Variants in CORO2B observed in about 807,000 individuals in gnomAD.
CORO2B encodes the protein coronin-2B.
Under a neutral mutation model 58.8 loss-of-function variants are expected in CORO2B, and 26 were observed. That is an observed-to-expected ratio of 0.44 (90% confidence interval 0.32 to 0.61). The LOEUF (loss-of-function observed/expected upper bound fraction) is 0.61, where lower values mean the gene tolerates loss of function less well. Ranked by LOEUF, CORO2B falls within the 20% of genes least tolerant of loss-of-function variation. The probability of loss-of-function intolerance (pLI) is 0.04; values close to 1 mark genes in which losing one functional copy is unlikely to be tolerated. For missense variants in CORO2B, 460 were observed against 645.1 expected (o/e 0.71, Z 3.11); for synonymous variants, 242 against 253.8 (o/e 0.95, Z 0.44).
intron 6 of CORO2B, among the ~76,000 whole-genome samples, 159 bp downstream of exon 6, chr15:68,714,200 T>A (rs531974418): frequency 1.3e-5 from 2 of 152,244 alleles, no homozygotes; most frequent in South Asian, 4.2e-4. Flanking sequence ...CGAGCTTGGG[T>A]ACAGAGGCTT....
At chr15:68,659,156 T>C (rs1381820750) in intron 2 of CORO2B, among the ~76,000 whole-genome samples, 1 of 152,166 alleles carries the variant, frequency 6.6e-6, no homozygotes, top group Non-Finnish European at 1.5e-5. Flanking sequence ...GTTCCTCCAG[T>C]AGGAGGGAAT....
Position 68,579,325 on chromosome 15 carries a change from C to T in CORO2B, c.15+48C>T, listed in dbSNP as rs973714453. 5 of 1,259,834 alleles carry T rather than the reference C, an allele frequency of 4.0e-6. No homozygotes were observed. In the African/African-American group the frequency reaches 4.7e-5, roughly 12 times the overall value. The allele number at this position is 1,259,834 out of a possible 1,614,324, so 78.0% of individuals were successfully genotyped here. On this transcript the variant is annotated intron_variant, in intron 1 of 11. Coordinates refer to ENST00000261861, the MANE Select transcript of CORO2B (RefSeq NM_006091.5). ...GCCCGGGACCCGCCGGCGCCTGCAT[C>T]CCCCGGGCTAGGCTGCGGGGGGCGC...
chr15:68,557,014 G>C, the CORO2B span, among the ~76,000 whole-genome samples: 1 of 152,208 alleles, frequency 6.6e-6, no homozygotes, highest in South Asian at 2.1e-4. Context: ...CAGGCTTCCA[G>C]CTTTGGGAAA....
intron 3 of CORO2B, among the ~76,000 whole-genome samples, chr15:68,705,682 G>A (rs1042327445): frequency 6.6e-6 from 1 of 152,078 alleles, no homozygotes; most frequent in African/African-American, 2.4e-5. Context: ...TAAGGGGCTG[G>A]TGCCTGGGCA....
At chr15:68,574,163 C>G (rs995036507), upstream of CORO2B, among the ~76,000 whole-genome samples, 5 of 152,254 alleles carry the variant, frequency 3.3e-5, no homozygotes, top group East Asian at 9.7e-4. Context: ...GAGGGCAAGT[C>G]CGAGTGGCCC....
chr15:68,683,190 A>ACCCCCAGTTGGGATAGATT (rs1902846172), intron 2 of CORO2B, among the ~76,000 whole-genome samples: 1 of 151,966 alleles, frequency 6.6e-6, no homozygotes, highest in South Asian at 2.1e-4. Flanking sequence ...TCTCTAGGCC[A>ACCCCCAGTTGGGATAGATT]CCCCCAGTTG....
chr15:68,632,222 A>G (rs2140261035), intron 1 of CORO2B: 2 of 985,516 alleles, frequency 2.0e-6, no homozygotes, highest in Non-Finnish European at 2.4e-6. Flanking sequence ...CACACGGCCC[A>G]TCTGTGCAGG....
At chr15:68,671,562 T>C (rs1902395779) in intron 2 of CORO2B, among the ~76,000 whole-genome samples, 1 of 152,204 alleles carries the variant, frequency 6.6e-6, no homozygotes, top group Non-Finnish European at 1.5e-5. Context: ...AGGGTCTCAT[T>C]TGGTTGCGTT....
chr15:68,701,843 C>T (rs1031267753), intron 3 of CORO2B, among the ~76,000 whole-genome samples: 1 of 152,074 alleles, frequency 6.6e-6, no homozygotes, highest in African/African-American at 2.4e-5. Flanking sequence ...GGAATCATCT[C>T]GGGCTCTGAG....
chr15:68,658,314 G>GTA (rs1901890977), intron 2 of CORO2B, among the ~76,000 whole-genome samples: 1 of 152,222 alleles, frequency 6.6e-6, no homozygotes, highest in Non-Finnish European at 1.5e-5. Context: ...GGAGGAGGGC[G>GTA]AGATGCATGG....
the CORO2B span, among the ~76,000 whole-genome samples, chr15:68,560,062 T>C: frequency 4.6e-5 from 7 of 152,166 alleles, no homozygotes; most frequent in Non-Finnish European, 1.0e-4. Flanking sequence ...GACTGCCGAT[T>C]TGAAGAGTCC....
intron 2 of CORO2B, among the ~76,000 whole-genome samples, chr15:68,674,892 C>T (rs796603222): frequency 1.7e-4 from 26 of 152,332 alleles, no homozygotes; most frequent in African/African-American, 6.3e-4. Context: ...TCTCCCACTA[C>T]ACTCTCTTTA....
chr15:68,594,313 G>A (rs1899775034), intron 1 of CORO2B, among the ~76,000 whole-genome samples: 1 of 152,168 alleles, frequency 6.6e-6, no homozygotes, highest in Non-Finnish European at 1.5e-5. Flanking sequence ...CCCAAGAATA[G>A]CAGACATGGA....
At chr15:68,596,292 A>T (rs1456593737) in intron 1 of CORO2B, among the ~76,000 whole-genome samples, 1 of 150,408 alleles carries the variant, frequency 6.6e-6, no homozygotes, top group Non-Finnish European at 1.5e-5. Flanking sequence ...GGATGGGGAG[A>T]CAGGACAGAA....
the CORO2B span, among the ~76,000 whole-genome samples, chr15:68,527,150 T>C: frequency 6.6e-6 from 1 of 152,210 alleles, no homozygotes; most frequent in African/African-American, 2.4e-5. Context: ...ACTTGTTATG[T>C]AAGTTACCCA....
At chr15:68,634,907 G>A (rs556463144) in intron 1 of CORO2B, among the ~76,000 whole-genome samples, 2 of 152,284 alleles carry the variant, frequency 1.3e-5, no homozygotes, top group African/African-American at 4.8e-5. Context: ...CAGTGCTATT[G>A]GTCCACAGGC....
At chr15:68,550,719 C>T in the CORO2B span, among the ~76,000 whole-genome samples, 1 of 152,230 alleles carries the variant, frequency 6.6e-6, no homozygotes, top group Non-Finnish European at 1.5e-5. Context: ...CCTGCAGGCG[C>T]TCTGCGGGAA....
chr15:68,693,052 C>G (rs1892421848), intron 2 of CORO2B, among the ~76,000 whole-genome samples: 1 of 152,206 alleles, frequency 6.6e-6, no homozygotes, highest in Non-Finnish European at 1.5e-5. Context: ...CTCTCCAAAT[C>G]CTTTTTCTCT....
intron 2 of CORO2B, among the ~76,000 whole-genome samples, chr15:68,672,959 G>C (rs557538015): frequency 6.6e-6 from 1 of 152,276 alleles, no homozygotes; most frequent in Admixed American, 6.5e-5. Flanking sequence ...AGGGTGTGGG[G>C]TATGGGTTGA....
Sources: allele counts gnomAD v4.1 joint callset (sites outside exome capture counted in the v4.1 genomes callset), GRCh38; gene constraint gnomAD v4.1.1; transcripts MANE v1.5; gene names NCBI Gene and HGNC (gene_info 2026-07-23, HGNC 2026-07-21).